The following FLG2 variants were observed in gnomAD, a reference collection of about 807,000 sequenced individuals.
The protein encoded by FLG2 is filaggrin-2.
Under a neutral mutation model 3.9 loss-of-function variants are expected in FLG2, and 7 were observed. The ratio of observed to expected loss-of-function variants is 1.79; its 90% CI spans 1.02 to 3.36. The LOEUF is 3.36. FLG2 is among the 30% of genes most tolerant of loss of function. The pLI is 0.00. For missense variants in FLG2, 2,700 were observed against 2,809.4 expected (o/e 0.96, Z 0.88); for synonymous variants, 1,031 against 1,056.1 (o/e 0.98, Z 0.46).
chr1:152,350,769 T>A lies in FLG2; in HGVS notation c.7017A>T (p.Gly2339=), dbSNP rs376710514. ...TGCCATGTTTCCAAACCTGACTTGA[T>A]CCATGCCTTTGCCTTTCACTACTAT... ...QSHSSERQRH[G]SSQVWKHGSY... Residue 2339 remains glycine (G), a synonymous_variant, in exon 3 of 3, where the codon GGA becomes GGT. Coordinates refer to ENST00000388718, the MANE Select transcript of FLG2 (RefSeq NM_001014342.3). The A allele has an allele frequency of 6.2e-6, 10 of 1,614,244 alleles. No individual in the cohort carries two copies. Among genetic ancestry groups the A allele is most frequent in the Admixed American group, 1.7e-5 (1 of 60,028 alleles).
chr1:152,352,081 CTGTG>C lies in FLG2; in HGVS notation c.5701_5704del (p.His1901AlafsTer500). ...CTCTCCATGTTGAGACCTGGCTTGG[CTGTG>C]TGTGTGTCCTGAATGTGTATGTGAG... On this transcript the variant is annotated frameshift_variant, in exon 3 of 3. Coordinates refer to ENST00000388718, the MANE Select transcript of FLG2 (RefSeq NM_001014342.3). LOFTEE classifies it low-confidence loss of function (END_TRUNC). The C allele has an allele frequency of 1.9e-6, 3 of 1,613,502 alleles. No homozygotes were observed. Among genetic ancestry groups the C allele is most frequent in the Non-Finnish European group, 2.5e-6 (3 of 1,179,842 alleles).
chr1:152,353,309 T>C lies in FLG2; in HGVS notation c.4477A>G (p.Thr1493Ala), dbSNP rs777264814. 9 of 1,613,334 alleles carry C rather than the reference T, an allele frequency of 5.6e-6. No individual in the cohort carries two copies. The highest frequency in any genetic ancestry group is 5.1e-6 in the Non-Finnish European group (6 of 1,179,886). ...HGKSTQRGSS[T>A]TGRRGSGHSE... ...TGGCCAGATCCCCTTCTTCCAGTTG[T>C]ACTGGACCCTCTCTGTGTGGATTTT... The change falls in exon 3 of 3, where the codon ACA becomes GCA. Residue 1493 changes from threonine (T) to alanine (A), a missense_variant. By Grantham distance (58) the Thr-to-Ala change is moderately conservative. Transcript: ENST00000388718.
Position 152,355,116 on chromosome 1 carries a change from G to C in FLG2, c.2670C>G (p.Gly890=), listed in dbSNP as rs1226217418. The change falls in exon 3 of 3, where the codon GGC becomes GGG. Residue 890 remains glycine, a synonymous_variant. Transcript: ENST00000388718. ...GTCCAAAGCCACTGGACTGACCTGA[G>C]CCTGATCCATGTTGTCCAAAGCCAG... ...QYSGFGQHGS[G]SGQSSGFGQH... is the part of the protein sequence containing the mutation. The C allele has an allele frequency of 1.3e-6, 2 of 1,555,270 alleles. No individual in the cohort carries two copies. The highest frequency in any genetic ancestry group is 3.8e-5 in the Admixed American group (2 of 52,564).
rs774741236 is a variant in FLG2 at position 152,355,637 on chromosome 1, A to G, written c.2149T>C (p.Ser717Pro). Residue 717 changes from serine (S) to proline (P), a missense_variant, in exon 3 of 3, where the codon TCT becomes CCT. Coordinates refer to ENST00000388718, the MANE Select transcript of FLG2 (RefSeq NM_001014342.3). ...CTTAACTCGTGTTGTCCAAATCCAG[A>G]TGTCTGTCCTGAACTTGACCCATGT... ...GQHGSSSGQT[S>P]GFGQHELSSG... is the part of the protein sequence containing the mutation. 2 of 1,613,490 alleles carry G rather than the reference A, an allele frequency of 1.2e-6. No homozygotes were observed. Among genetic ancestry groups the G allele is most frequent in the Non-Finnish European group, 8.5e-7 (1 of 1,179,916 alleles).
Position 152,356,452 on chromosome 1 carries a change from T to G in FLG2, c.1334A>C (p.His445Pro), listed in dbSNP as rs1350944643. The change falls in exon 3 of 3, where the codon CAT becomes CCT. Residue 445 changes from histidine (H) to proline (P), a missense_variant. Physicochemically the swap from His to Pro is moderately conservative, Grantham distance 77. Transcript: ENST00000388718. ...ACAAGTTTGACCTGAGCCACATACA[T>G]GTTGTTCGAACCCAGAGGACTGACT... is the stretch of plus-strand genomic sequence containing the variant. ...GLSQSSGFEQ[H>P]VCGSGQTCGQ... 1 of 1,614,104 alleles carries G rather than the reference T, an allele frequency of 6.2e-7. No homozygotes were observed. Among genetic ancestry groups the G allele is most frequent in the African/African-American group, 1.3e-5 (1 of 74,946 alleles).
chr1:152,352,756 G>T lies in FLG2; in HGVS notation c.5030C>A (p.Ala1677Asp), dbSNP rs760502199. The T allele has an allele frequency of 2.5e-6, 4 of 1,613,686 alleles. No homozygotes were observed. The highest frequency in any genetic ancestry group is 3.4e-6 in the Non-Finnish European group (4 of 1,179,914). ...TTCTGACTGTCCATGTTGAGATCCAGCTTGACCATGAGTGTGTCCTGTATG... is the reference window on the plus strand; with the variant it reads ...TTCTGACTGTCCATGTTGAGATCCATCTTGACCATGAGTGTGTCCTGTATG... ...HTHTGHTHGQ[A>D]GSQHGQSESI... The change falls in exon 3 of 3, where the codon GCT (alanine) becomes GAT (aspartate). Residue 1677 changes from alanine to aspartate, a missense_variant. By Grantham distance (126) the Ala-to-Asp change is moderately radical. Transcript: ENST00000388718.
intron 1 of FLG2, among the ~76,000 whole-genome samples, chr1:152,359,714 A>G (rs1654380345): frequency 6.6e-6 from 1 of 152,210 alleles, no homozygotes; most frequent in Non-Finnish European, 1.5e-5. Flanking sequence ...GGCCTAGAGG[A>G]AGGTGAACTT....
Position 152,354,063 on chromosome 1 carries a change from A to G in FLG2, c.3723T>C (p.Gly1241=), listed in dbSNP as rs1164644172. The G allele has an allele frequency of 1.2e-6, 2 of 1,613,620 alleles. No individual in the cohort carries two copies. The highest frequency in any genetic ancestry group is 4.5e-5 in the East Asian group (2 of 44,820). ...TVHGRQETTH[G]QTINTTRHSQ... is the part of the protein sequence containing the mutation. ...TATGTCTAGTGGTATTTATTGTCTG[A>G]CCATGAGTAGTTTCCTGTCTCCCAT... is the stretch of plus-strand genomic sequence containing the variant. Residue 1241 remains glycine, a synonymous_variant, in exon 3 of 3, where the codon GGT becomes GGC. Transcript: ENST00000388718.
Position 152,353,755 on chromosome 1 carries a change from C to T in FLG2, c.4031G>A (p.Arg1344Lys), listed in dbSNP as rs1654071516. The T allele has an allele frequency of 6.2e-7, 1 of 1,614,052 alleles. No individual in the cohort carries two copies. The highest frequency in any genetic ancestry group is 1.1e-5 in the South Asian group (1 of 91,086). The change falls in exon 3 of 3, where the codon AGA becomes AAA. Residue 1344 changes from arginine (R) to lysine (K), a missense_variant. Arg to Lys is a conservative substitution (Grantham distance 26, BLOSUM62 2). Coordinates refer to ENST00000388718, the MANE Select transcript of FLG2 (RefSeq NM_001014342.3). ...QTGSRTSGRQ[R>K]FSHSDATDSE... is the part of the protein sequence containing the mutation. ...GTCAGTGGCATCACTGTGGCTAAATCTCTGTCTTCCAGATGTTCTGGAACC... is the reference window on the plus strand; with the variant it reads ...GTCAGTGGCATCACTGTGGCTAAATTTCTGTCTTCCAGATGTTCTGGAACC...
chr1:152,355,361 G>T lies in FLG2; in HGVS notation c.2425C>A (p.Gln809Lys). The T allele has an allele frequency of 6.2e-7, 1 of 1,613,612 alleles. No homozygotes were observed. Among genetic ancestry groups the T allele is most frequent in the Non-Finnish European group, 8.5e-7 (1 of 1,179,864 alleles). ...GACTGACCTGAGCCTGATCCATATTGGCCAAAGCCAGTGGATTGACTTGAG... is the reference window on the plus strand; with the variant it reads ...GACTGACCTGAGCCTGATCCATATTTGCCAAAGCCAGTGGATTGACTTGAG... ...SGSSQSTGFG[Q>K]YGSGSGQSAG... is the part of the protein sequence containing the mutation. Residue 809 changes from glutamine (Q) to lysine (K), a missense_variant, in exon 3 of 3, where the codon CAA becomes AAA. Transcript: ENST00000388718.
chr1:152,358,640 G>A (rs1421396671), intron 2 of FLG2, 107 bp downstream of exon 2: 3 of 1,079,240 alleles, frequency 2.8e-6, no homozygotes, highest in Non-Finnish European at 4.0e-6. Context: ...CACTCATAGA[G>A]TTTGCTTAGA....
chr1:152,353,159 T>A lies in FLG2; in HGVS notation c.4627A>T (p.Thr1543Ser). ...GTGGTATCTCCTGTCTGTCCATGAG[T>A]AATTCTGTGTCTGTCATGAATTATG... Reference protein sequence around the residue: ...ESIIHDRHRITHGQTGDTTRH... With the variant: ...ESIIHDRHRISHGQTGDTTRH... Residue 1543 changes from threonine (T) to serine (S), a missense_variant, in exon 3 of 3, where the codon ACT becomes TCT. Transcript: ENST00000388718. 6.2e-7 allele frequency: 1 copy of A among 1,613,870 alleles called. No individual in the cohort carries two copies. The highest frequency in any genetic ancestry group is 1.6e-4 in the Middle Eastern group (1 of 6,062).
rs767902362 is a variant in FLG2 at position 152,354,265 on chromosome 1, C to T, written c.3521G>A (p.Gly1174Asp). The T allele has an allele frequency of 1.2e-6, 2 of 1,613,980 alleles. No homozygotes were observed. The highest frequency in any genetic ancestry group is 2.2e-5 in the South Asian group (2 of 91,032). The change falls in exon 3 of 3, where the codon GGT becomes GAT. Residue 1174 changes from glycine (G) to aspartate (D), a missense_variant. By Grantham distance (94) the Gly-to-Asp change is moderately conservative. Transcript: ENST00000388718. ...ATGCTGTCCAAAACTTGTGGTTGGA[C>T]CTGAGCCAGACTCATGTTGGCCACA... ...SGCGQHESGS[G>D]PTTSFGQHVS...
At position 152,354,499 on chromosome 1, in the gene FLG2, G is replaced by T. The variant is rs1654114000; in HGVS notation, c.3287C>A (p.Ser1096Ter). ...SSGYGQHGSN[S>*]GQTSGFGQHR... ...TTGTCCAAATCCAGATGTCTGTCCT[G>T]AATTTGACCCATGTTGACCATAGCC... The change falls in exon 3 of 3, where the codon TCA becomes TAA. Residue 1096 changes from serine (S) to a stop codon, truncating the protein, a stop_gained. Coordinates refer to ENST00000388718, the MANE Select transcript of FLG2 (RefSeq NM_001014342.3). LOFTEE classifies it low-confidence loss of function (END_TRUNC). 2 of 1,613,972 alleles carry T rather than the reference G, an allele frequency of 1.2e-6. No homozygotes were observed. Among genetic ancestry groups the T allele is most frequent in the Admixed American group, 1.7e-5 (1 of 59,992 alleles).
At chr1:152,359,016 C>T (rs1237189234) in intron 1 of FLG2, 110 bp from the exon 2 acceptor site, 6 of 1,031,536 alleles carry the variant, frequency 5.8e-6, no homozygotes, top group Non-Finnish European at 6.9e-6. Context: ...TTTTTTAAAT[C>T]TCAAAACGTA....
chr1:152,359,158 T>G lies in FLG2; in HGVS notation c.-22-252A>C, dbSNP rs551215502. 2.6e-5 allele frequency among the ~76,000 whole-genome samples: 4 copies of G among 152,326 alleles called. No homozygotes were observed. In the East Asian group the frequency reaches 7.7e-4, roughly 29 times the overall value. On this transcript the variant is annotated intron_variant, in intron 1 of 2. Coordinates refer to ENST00000388718, the MANE Select transcript of FLG2 (RefSeq NM_001014342.3). ...TGAGAATAGACCTCAAGTCTCTATA[T>G]TTCCTGTCATGGGTAAGTATAGTCT...
rs1365927421 is a variant in FLG2 at position 152,356,556 on chromosome 1, T to C, written c.1230A>G (p.Ser410=). 2 of 1,614,124 alleles carry C rather than the reference T, an allele frequency of 1.2e-6. No homozygotes were observed. Among genetic ancestry groups the C allele is most frequent in the African/African-American group, 2.7e-5 (2 of 74,944 alleles). The part of the protein sequence containing the change: ...SCGRFSNSSS[S]NEFSKCDQYG... ...ATTGATCACATTTGGAAAATTCATT[T>C]GAACTAGAAGAGTTTGAAAAGCGGC... The change falls in exon 3 of 3, where the codon TCA becomes TCG. Residue 410 remains serine (S), a synonymous_variant. Coordinates refer to ENST00000388718, the MANE Select transcript of FLG2 (RefSeq NM_001014342.3).
intron 1 of FLG2, 122 bp from the exon 2 acceptor site, chr1:152,359,028 G>T: frequency 1.2e-6 from 1 of 867,240 alleles, no homozygotes; most frequent in Non-Finnish European, 1.7e-6. Context: ...CAAAACGTAA[G>T]AATGGGCCAG....
chr1:152,354,847 C>G lies in FLG2; in HGVS notation c.2939G>C (p.Gly980Ala). 1 of 1,613,648 alleles carries G rather than the reference C, an allele frequency of 6.2e-7. No individual in the cohort carries two copies. Among genetic ancestry groups the G allele is most frequent in the Non-Finnish European group, 8.5e-7 (1 of 1,179,956 alleles). The change falls in exon 3 of 3, where the codon GGC (glycine) becomes GCC (alanine). Residue 980 changes from glycine to alanine, a missense_variant. By Grantham distance (60) the Gly-to-Ala change is moderately conservative. Transcript: ENST00000388718. The part of the protein sequence containing the change: ...QSSGFGQHES[G>A]SGKSSGFGQH... ...TCCAAAGCCAGAGGATTTTCCTGAG[C>G]CTGACTCATGTTGTCCAAAGCCAGA...
Sources: allele counts gnomAD v4.1 joint callset (sites outside exome capture counted in the v4.1 genomes callset), GRCh38; gene constraint gnomAD v4.1.1; transcripts MANE v1.5; gene names NCBI Gene and HGNC (gene_info 2026-07-23, HGNC 2026-07-21).